Variants in NOTCH3 observed in about 807,000 individuals in gnomAD.
The protein encoded by NOTCH3 is neurogenic locus notch homolog protein 3.
NOTCH3 carries 86 observed loss-of-function variants against 213.3 expected under a neutral mutation model. The ratio of observed to expected loss-of-function variants is 0.40; its 90% CI spans 0.34 to 0.48. The LOEUF is 0.48. NOTCH3 is among the 20% of genes least tolerant of loss of function. The pLI is 0.57. For synonymous variants in NOTCH3, 1,354 were observed against 1,355.9 expected, an observed-to-expected ratio of 1.00 and a Z score of 0.03; for missense variants, 2,783 against 3,272.6, an observed-to-expected ratio of 0.85 and a Z score of 3.65.
chr19:15,189,576 T>C (rs2046912353), intron 6 of NOTCH3, 148 bp from the exon 7 acceptor site: 15 of 939,834 alleles, frequency 1.6e-5, no homozygotes, highest in South Asian at 1.3e-4. Context: ...TGGAGTACAA[T>C]AGCGCGATCT....
rs773896497 is a variant in NOTCH3 at position 15,186,992 on chromosome 19, G to C, written c.1841-4C>G. On this transcript the variant is annotated splice_region_variant and splice_polypyrimidine_tract_variant and intron_variant, in intron 11 of 32. Transcript: ENST00000263388. ...ATGTTCACTTCGCAGTTCACACCTA[G>C]GGGCCAGGAACATGGCATGGAGTGG... is the stretch of plus-strand genomic sequence containing the variant. 1 of 1,613,886 alleles carries C rather than the reference G, an allele frequency of 6.2e-7. No individual in the cohort carries two copies. Among genetic ancestry groups the C allele is most frequent in the Non-Finnish European group, 8.5e-7 (1 of 1,179,870 alleles).
At chr19:15,196,644 A>G (rs918919752) in intron 2 of NOTCH3, among the ~76,000 whole-genome samples, 3 of 152,108 alleles carry the variant, frequency 2.0e-5, no homozygotes, top group African/African-American at 7.2e-5. Flanking sequence ...ACCTTGAGAG[A>G]CTTCTCCTTA....
chr19:15,182,679 G>T (rs2046850524), intron 16 of NOTCH3, among the ~76,000 whole-genome samples: 2 of 151,452 alleles, frequency 1.3e-5, no homozygotes, highest in Admixed American at 1.3e-4. Context: ...TTTCGCTCTT[G>T]TTGCCCAGGC....
At position 15,184,411 on chromosome 19, in the gene NOTCH3, G is replaced by A. The variant is rs142405648; in HGVS notation, c.2450C>T (p.Pro817Leu). The change falls in exon 16 of 33, where the codon CCC becomes CTC. Residue 817 changes from proline to leucine, a missense_variant. Coordinates refer to ENST00000263388, the MANE Select transcript of NOTCH3 (RefSeq NM_000435.3). ...CQQDVDECAG[P>L]APCGPHGICT... ...GATACCATGAGGGCCACAGGGTGCGGGGCCAGCACACTCGTCCACATCCTG... is the reference window on the plus strand; with the variant it reads ...GATACCATGAGGGCCACAGGGTGCGAGGCCAGCACACTCGTCCACATCCTG... The A allele has an allele frequency of 8.7e-6, 14 of 1,613,776 alleles. No homozygotes were observed. The highest frequency in any genetic ancestry group is 1.6e-4 in the Middle Eastern group (1 of 6,078).
intron 20 of NOTCH3, 45 bp from the exon 21 acceptor site, chr19:15,179,541 A>T (rs761233209): frequency 6.2e-7 from 1 of 1,606,886 alleles, no homozygotes; most frequent in Non-Finnish European, 8.5e-7. Flanking sequence ...AGTGGGACAC[A>T]GACCCACCTG....
At chr19:15,197,441 G>GGGGGCCCCCCCCCCC in intron 2 of NOTCH3, 59 bp downstream of exon 2, 1 of 768,364 alleles carries the variant, frequency 1.3e-6, no homozygotes, top group African/African-American at 1.7e-5. Flanking sequence ...AAGACAAATC[G>GGGGGCCCCCCCCCCC]CCCCTCCCCC....
chr19:15,161,455 G>A lies in NOTCH3; in HGVS notation c.6173C>T (p.Ser2058Leu), dbSNP rs1363323415. The A allele has an allele frequency of 1.9e-6, 3 of 1,563,790 alleles. No homozygotes were observed. Among genetic ancestry groups the A allele is most frequent in the East Asian group, 2.4e-5 (1 of 42,370 alleles). Residue 2058 changes from serine to leucine, a missense_variant, in exon 33 of 33, where the codon TCG becomes TTG. Physicochemically the swap from Ser to Leu is moderately radical, Grantham distance 145. Around this residue, in one of 6 missense-constraint regions of NOTCH3, gnomAD observed 441 missense variants for 432.1 expected, o/e 1.02. Transcript: ENST00000263388. ...AFLPGLKAAQ[S>L]GSKKSRRPPG... ...GGGCCTCCTGCTCTTCTTGGACCCC[G>A]ACTGTGCCGCTTTGAGGCCAGGGAG...
chr19:15,174,526 C>T (rs557910312), intron 24 of NOTCH3, 126 bp from the exon 25 acceptor site: 5 of 667,114 alleles, frequency 7.5e-6, no homozygotes, highest in Non-Finnish European at 1.2e-5. Flanking sequence ...CTGGAATATA[C>T]GGACCCATGC....
Position 15,173,999 on chromosome 19 carries a change from A to C in NOTCH3, c.4736+69T>G, listed in dbSNP as rs1035945915. 1.0e-5 allele frequency: 14 copies of C among 1,341,124 alleles called. 1 individual carries two copies. In the South Asian group the frequency reaches 1.8e-4, roughly 18 times the overall value. 83.1% of individuals were successfully genotyped at this position (1,341,124 alleles called of 1,614,324 possible). On this transcript the variant is annotated intron_variant, in intron 25 of 32. Transcript: ENST00000263388. ...AAAGGCATTAAGTGAAATGAAACAC[A>C]CAAGACCTGGATCAACAGCATCTCT...
intron 25 of NOTCH3, among the ~76,000 whole-genome samples, chr19:15,172,634 C>A (rs1401836989): frequency 6.6e-6 from 1 of 151,992 alleles, no homozygotes; most frequent in African/African-American, 2.4e-5. Flanking sequence ...CTCTACCAGG[C>A]CACTAGCAGG....
intron 25 of NOTCH3, 111 bp downstream of exon 25, chr19:15,173,957 C>T (rs931788714): frequency 3.2e-6 from 3 of 941,834 alleles, no homozygotes; most frequent in Admixed American, 2.8e-5. Context: ...AGGCGGTGCT[C>T]CTGACATCTG....
intron 1 of NOTCH3, among the ~76,000 whole-genome samples, chr19:15,198,826 G>A (rs2046989129): frequency 2.0e-5 from 3 of 152,072 alleles, no homozygotes; most frequent in African/African-American, 7.2e-5. Context: ...CAGGAGAATC[G>A]CTTGAACCTG....
At chr19:15,171,984 C>T (rs1471878383) in intron 25 of NOTCH3, among the ~76,000 whole-genome samples, 3 of 151,552 alleles carry the variant, frequency 2.0e-5, no homozygotes, top group African/African-American at 7.3e-5. Flanking sequence ...ACAACCTCCA[C>T]GTCCAGGGTT....
At chr19:15,163,927 T>C (rs926047641) in intron 31 of NOTCH3, among the ~76,000 whole-genome samples, 80 of 152,266 alleles carry the variant, frequency 5.3e-4, no homozygotes, top group African/African-American at 1.8e-3. Flanking sequence ...AACATAATGC[T>C]AACTGAAAAA....
rs552265898 is a variant in NOTCH3 at position 15,174,349 on chromosome 19, G to A, written c.4455C>T (p.Asp1485=). Residue 1485 remains aspartate, a synonymous_variant, in exon 25 of 33, where the codon GAC becomes GAT. Transcript: ENST00000263388. ...CGCACTCCTCCGTGTTGCAGCCCTG[G>A]TCGCAGCGGCCGTCGGCAAAGTGGT... ...CADHFADGRC[D]QGCNTEECGW... is the part of the protein sequence containing the mutation. The A allele has an allele frequency of 2.2e-4, 344 of 1,548,564 alleles. No individual in the cohort carries two copies. Among genetic ancestry groups the A allele is most frequent in the Non-Finnish European group, 2.9e-4 (335 of 1,145,190 alleles).
At position 15,191,059 on chromosome 19, in the gene NOTCH3, A is replaced by G. The variant is rs916525852; in HGVS notation, c.1036+365T>C. Among the ~76,000 whole-genome samples the G allele has an allele frequency of 2.2e-4, 30 of 137,756 alleles. 1 individual carries two copies. Among genetic ancestry groups the G allele is most frequent in the Non-Finnish European group, 4.5e-4 (29 of 64,686 alleles). The allele number at this position is 137,756 out of a possible 152,430, so 90.4% of individuals were successfully genotyped here. A position where few individuals can be genotyped will look rare whatever the true frequency, so the allele number is the denominator to read the frequency against. ...TTTTTATTTTTTAAATTTGAGAAGG[A>G]GTCTCACTCTGTCACCCAGGCTAGA... On this transcript the variant is annotated intron_variant, in intron 6 of 32. Transcript: ENST00000263388.
chr19:15,163,774 A>T (rs7245850), intron 31 of NOTCH3, among the ~76,000 whole-genome samples: 7 of 152,014 alleles, frequency 4.6e-5, no homozygotes, highest in African/African-American at 9.7e-5. Flanking sequence ...GAGGCTGCAG[A>T]GAGCCGTAAT....
chr19:15,161,150 G>T lies in NOTCH3; in HGVS notation c.6478C>A (p.Leu2160Met). Residue 2160 changes from leucine to methionine, a missense_variant, in exon 33 of 33, where the codon CTG becomes ATG. Physicochemically the swap from Leu to Met is conservative, Grantham distance 15. Around this residue, in one of 6 missense-constraint regions of NOTCH3, gnomAD observed 441 missense variants for 432.1 expected, o/e 1.02. Transcript: ENST00000263388. ...ACAGCCACAGGGTTCAGCAGGCCCA[G>T]GCTGAGTACACATCCTCCAGGGGGC... is the stretch of plus-strand genomic sequence containing the variant. ...RQPPGGCVLS[L>M]GLLNPVAVPL... The T allele has an allele frequency of 6.5e-7, 1 of 1,539,330 alleles. No individual in the cohort carries two copies.
intron 1 of NOTCH3, 94 bp downstream of exon 1, chr19:15,200,694 T>C (rs1340701058): frequency 1.0e-6 from 1 of 991,732 alleles, no homozygotes. Flanking sequence ...CCCTGGTTCC[T>C]GCCTCCCATG....
Sources: allele counts gnomAD v4.1 joint callset (sites outside exome capture counted in the v4.1 genomes callset), GRCh38; gene constraint gnomAD v4.1.1; regional missense constraint gnomAD v4.1.1; transcripts MANE v1.5; gene names NCBI Gene and HGNC (gene_info 2026-07-23, HGNC 2026-07-21).